The following IGF2BP3 variants were observed in gnomAD, a reference collection of about 807,000 sequenced individuals.
The protein encoded by IGF2BP3 is insulin like growth factor 2 mRNA binding protein 3.
In IGF2BP3, 9 loss-of-function variants were observed where a neutral mutation model predicts 73.8. The ratio of observed to expected loss-of-function variants is 0.12; its 90% confidence interval spans 0.07 to 0.21. The LOEUF (loss-of-function observed/expected upper bound fraction) is 0.21. Among genes scored for constraint, IGF2BP3 ranks in the 10% least tolerant of loss-of-function variants. The pLI, the probability that IGF2BP3 is intolerant of heterozygous loss-of-function variation, is 1.00. For synonymous variants in IGF2BP3, 258 were observed against 256.7 expected (o/e 1.01, Z -0.05); for missense variants, 542 against 714.0 (o/e 0.76, Z 2.75).
chr7:23,372,734 C>A (rs1280688054), intron 3 of IGF2BP3, among the ~76,000 whole-genome samples: 1 of 152,194 alleles, frequency 6.6e-6, no homozygotes, highest in Non-Finnish European at 1.5e-5. Flanking sequence ...AGGCCATTCT[C>A]TTCTCTCCAA....
intron 11 of IGF2BP3, among the ~76,000 whole-genome samples, chr7:23,318,212 T>C (rs1562666936): frequency 6.6e-6 from 1 of 152,162 alleles, no homozygotes; most frequent in Admixed American, 6.6e-5. Context: ...GTTTCAAGGA[T>C]ACTGCACACC....
chr7:23,449,161 T>C (rs992510683), intron 2 of IGF2BP3, among the ~76,000 whole-genome samples: 3 of 152,032 alleles, frequency 2.0e-5, no homozygotes, highest in Non-Finnish European at 4.4e-5. Flanking sequence ...AAGGCTAATA[T>C]GCCATGGAAT....
Position 23,469,658 on chromosome 7 carries a change from C to T in IGF2BP3, c.175+278G>A, listed in dbSNP as rs1788660644. Among the ~76,000 whole-genome samples the T allele has an allele frequency of 6.6e-6, 1 of 151,270 alleles. No individual in the cohort carries two copies. Among genetic ancestry groups the T allele is most frequent in the Admixed American group, 6.6e-5 (1 of 15,208 alleles). ...GGCGGGGCGCCGGGGGAGCGCGCCTCCCCCAGCCCCGCGCCCCCCTTAGCC... is the reference window on the plus strand; with the variant it reads ...GGCGGGGCGCCGGGGGAGCGCGCCTTCCCCAGCCCCGCGCCCCCCTTAGCC... On this transcript the variant is annotated intron_variant, in intron 1 of 14. Coordinates refer to ENST00000258729, the MANE Select transcript of IGF2BP3 (RefSeq NM_006547.3). This position sits in a 1 kb window ranked among gnomAD's most constrained non-coding sequence, Gnocchi z 6.1.
chr7:23,398,211 T>C (rs920682006), intron 3 of IGF2BP3, among the ~76,000 whole-genome samples: 4 of 152,136 alleles, frequency 2.6e-5, no homozygotes, highest in Non-Finnish European at 4.4e-5. Context: ...TGGTTTCCAG[T>C]TTCATCCATG....
At chr7:23,315,522 G>A (rs890651436) in intron 12 of IGF2BP3, among the ~76,000 whole-genome samples, 3 of 152,196 alleles carry the variant, frequency 2.0e-5, no homozygotes, top group Non-Finnish European at 4.4e-5. Context: ...AAAGGAGCCT[G>A]AGAGTTGGTT....
chr7:23,314,960 A>G (rs1435585064), intron 12 of IGF2BP3, among the ~76,000 whole-genome samples: 1 of 151,254 alleles, frequency 6.6e-6, no homozygotes. Flanking sequence ...CACCACACCC[A>G]GCTAATTTTT....
chr7:23,329,152 G>A (rs1057199414), intron 10 of IGF2BP3, among the ~76,000 whole-genome samples: 1 of 151,812 alleles, frequency 6.6e-6, no homozygotes, highest in Non-Finnish European at 1.5e-5. Context: ...GGTGGAGCTT[G>A]CAGTGAGCAG....
chr7:23,388,356 T>C (rs868479408), intron 3 of IGF2BP3, among the ~76,000 whole-genome samples: 10 of 152,274 alleles, frequency 6.6e-5, no homozygotes, highest in East Asian at 3.9e-4. Context: ...GGTTCAGTAA[T>C]TGAGGGCCTA....
At chr7:23,412,907 T>G (rs1012952677) in intron 3 of IGF2BP3, among the ~76,000 whole-genome samples, 1 of 122,960 alleles carries the variant, frequency 8.1e-6, no homozygotes, top group Non-Finnish European at 1.6e-5. Context: ...TCACCCAGGC[T>G]GGAGTGCAGT....
chr7:23,428,716 C>T (rs370413555), intron 2 of IGF2BP3, among the ~76,000 whole-genome samples: 21 of 129,718 alleles, frequency 1.6e-4, no homozygotes, highest in African/African-American at 3.6e-4. Flanking sequence ...TTCTTTTTTT[C>T]TTTTTTTTAG....
intron 9 of IGF2BP3, among the ~76,000 whole-genome samples, 197 bp downstream of exon 9, chr7:23,343,521 A>G (rs1000227708): frequency 2.0e-5 from 3 of 152,238 alleles, no homozygotes; most frequent in Non-Finnish European, 4.4e-5. Flanking sequence ...ATAATTTGCT[A>G]AAGTCACAGA....
intron 3 of IGF2BP3, among the ~76,000 whole-genome samples, chr7:23,406,835 G>T (rs1035368516): frequency 3.3e-5 from 5 of 152,146 alleles, no homozygotes; most frequent in African/African-American, 1.2e-4. Flanking sequence ...TGATTGGTGT[G>T]TTTACAAACC....
rs1306271515 is a variant in IGF2BP3 at position 23,469,859 on chromosome 7, G to A, written c.175+77C>T. 5 of 1,074,316 alleles carry A rather than the reference G, an allele frequency of 4.7e-6. No individual in the cohort carries two copies. Among genetic ancestry groups the A allele is most frequent in the Admixed American group, 8.6e-5 (2 of 23,156 alleles). The allele number at this position is 1,074,316 out of a possible 1,614,324, so 66.5% of individuals were successfully genotyped here. On this transcript the variant is annotated intron_variant, in intron 1 of 14. Coordinates refer to ENST00000258729, the MANE Select transcript of IGF2BP3 (RefSeq NM_006547.3). This position sits in a 1 kb window ranked among gnomAD's most constrained non-coding sequence, Gnocchi z 6.1. ...CCCCAGCGCGCCGGGCCTGGGGCCC[G>A]CGGAGCCACCCGGTGGGCCTGGGCG...
intron 2 of IGF2BP3, among the ~76,000 whole-genome samples, chr7:23,426,063 G>A (rs1047041409): frequency 4.6e-5 from 7 of 151,828 alleles, no homozygotes; most frequent in Non-Finnish European, 8.8e-5. Flanking sequence ...GCAGTGGCTC[G>A]CGCCTGTAAT....
At position 23,325,436 on chromosome 7, in the gene IGF2BP3, T is replaced by C. The variant is rs960965633; in HGVS notation, c.1204-6182A>G. Among the ~76,000 whole-genome samples, 12 of 152,274 alleles carry C rather than the reference T, an allele frequency of 7.9e-5. No homozygotes were observed. In the East Asian group the frequency reaches 2.3e-3, roughly 29 times the overall value. On this transcript the variant is annotated intron_variant, in intron 10 of 14. Transcript: ENST00000258729. ...TGAAATAAAAGAGGATACAAACAAA[T>C]GGAAGAACATTCCATGCTCATGGGT...
intron 3 of IGF2BP3, among the ~76,000 whole-genome samples, chr7:23,378,569 GTTTTTTTT>G (rs1156868701): frequency 1.5e-5 from 1 of 65,884 alleles, no homozygotes; most frequent in African/African-American, 7.2e-5. Flanking sequence ...ATTTTTGCTT[GTTTTTTTT>G]TTTTTTTTTT....
chr7:23,383,761 G>A (rs532319852), intron 3 of IGF2BP3, among the ~76,000 whole-genome samples: 1 of 152,196 alleles, frequency 6.6e-6, no homozygotes, highest in East Asian at 1.9e-4. Context: ...GATAAACAAC[G>A]TGGTATATTT....
chr7:23,386,577 C>A (rs1268247916), intron 3 of IGF2BP3, among the ~76,000 whole-genome samples: 1 of 152,178 alleles, frequency 6.6e-6, no homozygotes, highest in Non-Finnish European at 1.5e-5. Flanking sequence ...TAAATATCCA[C>A]AAGCCAAATG....
intron 3 of IGF2BP3, among the ~76,000 whole-genome samples, chr7:23,382,692 G>C (rs1400207083): frequency 6.6e-6 from 1 of 151,880 alleles, no homozygotes; most frequent in Non-Finnish European, 1.5e-5. Context: ...TGACACCTCA[G>C]ACAAGTAAGT....
Sources: allele counts gnomAD v4.1 joint callset (sites outside exome capture counted in the v4.1 genomes callset), GRCh38; gene constraint gnomAD v4.1.1; non-coding constraint Gnocchi (gnomAD v3.1); transcripts MANE v1.5; gene names NCBI Gene and HGNC (gene_info 2026-07-23, HGNC 2026-07-21).